Variants in KLHL4 observed in about 807,000 individuals in gnomAD.
The protein encoded by KLHL4 is kelch like family member 4.
A neutral mutation model predicts 45.8 loss-of-function variants in KLHL4; 17 were observed. That is an observed-to-expected ratio of 0.37 (90% CI 0.25 to 0.56). The LOEUF (loss-of-function observed/expected upper bound fraction) is 0.56, where lower values mean the gene tolerates loss of function less well. Ranked by LOEUF, KLHL4 falls within the 20% of genes least tolerant of loss-of-function variation. KLHL4 has a pLI of 0.79. For synonymous variants in KLHL4, 224 were observed against 189.9 expected (o/e 1.18, Z -1.47); for missense variants, 544 against 544.9 (o/e 1.00, Z 0.02).
At chrX:87,553,369 A>G (rs191127777) in intron 1 of KLHL4, among the ~76,000 whole-genome samples, 3 of 111,357 alleles carry the variant, frequency 2.7e-5, no homozygotes, top group African/African-American at 9.7e-5. Context: ...AAAGTTTTAT[A>G]TTAAATATTT....
At chrX:87,525,881 C>T (rs753190092) in intron 1 of KLHL4, among the ~76,000 whole-genome samples, 1 of 111,205 alleles carries the variant, frequency 9.0e-6, no homozygotes, top group East Asian at 2.8e-4. Flanking sequence ...CACTATGACT[C>T]ATCCCTTGCA....
Position 87,632,254 on chromosome X carries a change from C to T in KLHL4, c.1369C>T (p.Leu457=), listed in dbSNP as rs1273051674. The change falls in exon 7 of 11, where the codon CTA becomes TTA. Residue 457 remains leucine (L), a synonymous_variant. Transcript: ENST00000373119. The part of the protein sequence containing the change: ...EKYDLRTNSW[L]HIGTMNGRRL... ...ATATGACCTCAGGACCAACAGTTGG[C>T]TACATATTGGCACCATGAATGGCCG... 6.6e-6 allele frequency: 8 copies of T among 1,204,724 alleles called. No homozygotes were observed. The highest frequency in any genetic ancestry group is 2.2e-5 in the Admixed American group (1 of 45,640).
At chrX:87,606,377 C>A (rs1922197369) in intron 1 of KLHL4, among the ~76,000 whole-genome samples, 1 of 110,007 alleles carries the variant, frequency 9.1e-6, no homozygotes, top group Non-Finnish European at 1.9e-5. Context: ...AACAATGAAG[C>A]TAATACTAGA....
intron 1 of KLHL4, among the ~76,000 whole-genome samples, chrX:87,612,385 A>G (rs1922411617): frequency 1.8e-5 from 2 of 112,013 alleles, no homozygotes; most frequent in African/African-American, 3.2e-5. Context: ...ATAGTTGCCT[A>G]CATTGTATTC....
At chrX:87,606,523 A>T (rs1922203676) in intron 1 of KLHL4, among the ~76,000 whole-genome samples, 2 of 111,648 alleles carry the variant, frequency 1.8e-5, no homozygotes, top group South Asian at 7.3e-4. Flanking sequence ...AAAGGGAGAC[A>T]TTACAACTAG....
At chrX:87,575,751 C>G (rs1921080779) in intron 1 of KLHL4, among the ~76,000 whole-genome samples, 1 of 111,232 alleles carries the variant, frequency 9.0e-6, no homozygotes, top group Non-Finnish European at 1.9e-5. Context: ...AAGACAGAAT[C>G]TAATCTGGGC....
intron 8 of KLHL4, among the ~76,000 whole-genome samples, chrX:87,634,550 C>T (rs1210196678): frequency 2.7e-5 from 3 of 111,759 alleles, no homozygotes; most frequent in African/African-American, 6.5e-5. Flanking sequence ...ATGAATCATG[C>T]GAGTTTTAGA....
At chrX:87,543,788 T>C (rs1931615674) in intron 1 of KLHL4, among the ~76,000 whole-genome samples, 1 of 111,314 alleles carries the variant, frequency 9.0e-6, no homozygotes, top group Non-Finnish European at 1.9e-5. Flanking sequence ...CCATAAGGAC[T>C]GCAACTCATA....
intron 1 of KLHL4, among the ~76,000 whole-genome samples, chrX:87,588,249 C>G (rs1229871535): frequency 9.0e-6 from 1 of 111,550 alleles, no homozygotes; most frequent in Non-Finnish European, 1.9e-5. Context: ...TCAATGCAGT[C>G]TCTATCAAAA....
intron 9 of KLHL4, among the ~76,000 whole-genome samples, chrX:87,656,102 T>C (rs1419435056): frequency 9.0e-6 from 1 of 111,112 alleles, no homozygotes; most frequent in Non-Finnish European, 1.9e-5. Flanking sequence ...TATGCTTTTC[T>C]TTTGCTGATT....
intron 1 of KLHL4, among the ~76,000 whole-genome samples, chrX:87,586,525 A>C (rs1921478508): frequency 9.0e-6 from 1 of 111,629 alleles, no homozygotes; most frequent in Non-Finnish European, 1.9e-5. Context: ...TCCCTGAATG[A>C]TAAGTTGGTC....
chrX:87,632,849 T>G (rs766092249), intron 7 of KLHL4, among the ~76,000 whole-genome samples: 2 of 111,618 alleles, frequency 1.8e-5, no homozygotes, highest in East Asian at 5.7e-4. Context: ...TACCTCGTTC[T>G]TTATACTAGG....
chrX:87,528,810 A>G (rs1931177886), intron 1 of KLHL4, among the ~76,000 whole-genome samples: 1 of 107,795 alleles, frequency 9.3e-6, no homozygotes, highest in Admixed American at 1.0e-4. Flanking sequence ...CTTTCCAAGT[A>G]TGGCATCTTA....
In KLHL4 at chrX:87,528,785, C is replaced by T. The variant is rs779763964; in HGVS notation, c.422+10470C>T. Among the ~76,000 whole-genome samples the T allele has an allele frequency of 2.4e-3, 235 of 97,785 alleles. No individual in the cohort carries two copies. In the Middle Eastern group the frequency reaches 0.031, roughly 13 times the overall value. The allele number at this position is 97,785 out of a possible 115,157, so 84.9% of individuals were successfully genotyped here. A position where few individuals can be genotyped will look rare whatever the true frequency, so the allele number is the denominator to read the frequency against. ...AGAAAGTCACAGAAAACCTGTTTAA[C>T]GAAGTAGCTAAACACTTTCCAAGTA... On this transcript the variant is annotated intron_variant, in intron 1 of 10. Transcript: ENST00000373119.
chrX:87,524,814 C>T (rs958555156), intron 1 of KLHL4, among the ~76,000 whole-genome samples: 1 of 111,217 alleles, frequency 9.0e-6, no homozygotes, highest in Non-Finnish European at 1.9e-5. Context: ...AAATTGAGTG[C>T]GGGGTATGTG....
chrX:87,645,708 T>C (rs925084014), intron 9 of KLHL4, among the ~76,000 whole-genome samples: 6 of 111,930 alleles, frequency 5.4e-5, no homozygotes, highest in Admixed American at 9.5e-5. Context: ...CACAATGGAA[T>C]ACTATGCAGC....
At chrX:87,528,113 T>C (rs1931150417) in intron 1 of KLHL4, among the ~76,000 whole-genome samples, 1 of 111,211 alleles carries the variant, frequency 9.0e-6, no homozygotes, top group Non-Finnish European at 1.9e-5. Context: ...CTCAACATGA[T>C]ACAAAAAAAT....
Position 87,522,332 on chromosome X carries a change from A to C in KLHL4, c.422+4017A>C, listed in dbSNP as rs371871628. Among the ~76,000 whole-genome samples the C allele has an allele frequency of 3.8e-4, 42 of 111,751 alleles. No individual in the cohort carries two copies. The South Asian group carries it at 0.015, about 41-fold the overall frequency. On this transcript the variant is annotated intron_variant, in intron 1 of 10. Transcript: ENST00000373119. ...ATGACTTTGGAAAGGTAACAATAACAAAGCAATACTAATACAACATTAAAA... is the reference window on the plus strand; with the variant it reads ...ATGACTTTGGAAAGGTAACAATAACCAAGCAATACTAATACAACATTAAAA...
At chrX:87,573,291 A>T (rs1920997080) in intron 1 of KLHL4, among the ~76,000 whole-genome samples, 2 of 111,305 alleles carry the variant, frequency 1.8e-5, no homozygotes, top group South Asian at 7.5e-4. Flanking sequence ...ATAGCCCATA[A>T]ATTTTTCTCT....
Sources: gnomAD v4.1 joint callset for allele counts (sites outside exome capture counted in the v4.1 genomes callset) on GRCh38, gnomAD v4.1.1 for gene constraint, MANE v1.5 for transcripts, NCBI Gene and HGNC (gene_info 2026-07-23, HGNC 2026-07-21) for gene names.